CFDP1: variants seen among roughly 807,000 people sequenced by gnomAD.
The protein encoded by CFDP1 is heterochromatin-stabilizing protein CFDP1.
A neutral mutation model predicts 40.1 loss-of-function variants in CFDP1; 31 were observed. The ratio of observed to expected loss-of-function variants is 0.77; its 90% CI spans 0.58 to 1.04. CFDP1 has a LOEUF of 1.04. Ranked by LOEUF, CFDP1 falls within the 50% of genes least tolerant of loss-of-function variation. The probability of loss-of-function intolerance (pLI) is 0.00; values close to 1 mark genes in which losing one functional copy is unlikely to be tolerated. For missense variants in CFDP1, 423 were observed against 343.4 expected (o/e 1.23, Z -1.83); for synonymous variants, 167 against 120.0 (o/e 1.39, Z -2.56).
intron 5 of CFDP1, among the ~76,000 whole-genome samples, chr16:75,390,934 A>C (rs961647831): frequency 8.5e-5 from 13 of 152,220 alleles, no homozygotes; most frequent in African/African-American, 3.1e-4. Context: ...ACTTTGTGAG[A>C]AAGTATCATA....
intron 5 of CFDP1, among the ~76,000 whole-genome samples, chr16:75,355,352 A>G (rs982737217): frequency 6.6e-6 from 1 of 152,226 alleles, no homozygotes; most frequent in Non-Finnish European, 1.5e-5. Flanking sequence ...AGTAAAACTT[A>G]TTTCAAAATT....
chr16:75,337,513 G>C (rs970789688), intron 5 of CFDP1, among the ~76,000 whole-genome samples: 1 of 152,148 alleles, frequency 6.6e-6, no homozygotes, highest in African/African-American at 2.4e-5. Context: ...TCTCACACTG[G>C]TATCAAGAAC....
At chr16:75,407,654 C>CAAAAAA (rs11456525) in intron 4 of CFDP1, among the ~76,000 whole-genome samples, 1 of 116,790 alleles carries the variant, frequency 8.6e-6, no homozygotes, top group Non-Finnish European at 1.7e-5. Flanking sequence ...GACCCTGTCT[C>CAAAAAA]AAAAAAAAAA....
At chr16:75,349,938 T>A (rs986710759) in intron 5 of CFDP1, among the ~76,000 whole-genome samples, 2 of 151,642 alleles carry the variant, frequency 1.3e-5, no homozygotes, top group African/African-American at 4.8e-5. Flanking sequence ...ATGGCATGAG[T>A]AGACATACTT....
At chr16:75,323,032 T>G (rs2078376229) in intron 5 of CFDP1, among the ~76,000 whole-genome samples, 1 of 152,132 alleles carries the variant, frequency 6.6e-6, no homozygotes, top group Non-Finnish European at 1.5e-5. Context: ...AGAAAATTTT[T>G]TTTTCTTCAA....
At chr16:75,426,312 T>C (rs905989637) in intron 1 of CFDP1, among the ~76,000 whole-genome samples, 11 of 152,008 alleles carry the variant, frequency 7.2e-5, no homozygotes, top group Admixed American at 3.3e-4. Context: ...ATCATGACAT[T>C]GCACTCCAGC....
At chr16:75,419,653 T>C (rs749811205) in intron 1 of CFDP1, among the ~76,000 whole-genome samples, 12 of 152,120 alleles carry the variant, frequency 7.9e-5, no homozygotes, top group Non-Finnish European at 1.8e-4. Context: ...AGCTAGAAGG[T>C]TGGCAGAAGA....
intron 5 of CFDP1, chr16:75,380,069 T>G (rs2078840186): frequency 6.7e-6 from 1 of 149,826 alleles, no homozygotes; most frequent in African/African-American, 2.5e-5. Flanking sequence ...ACTCAGGAGG[T>G]GGAGGTTGCA....
intron 1 of CFDP1, among the ~76,000 whole-genome samples, chr16:75,428,741 T>A (rs946594051): frequency 6.7e-6 from 1 of 150,166 alleles, no homozygotes; most frequent in Admixed American, 6.6e-5. Context: ...GGAAAAAAAA[T>A]TATAGGAAAA....
chr16:75,349,676 A>ATATATAT (rs1199163361), intron 5 of CFDP1, among the ~76,000 whole-genome samples: 3 of 5,868 alleles, frequency 5.1e-4, no homozygotes, highest in Non-Finnish European at 6.4e-4. Context: ...AAAAAAAAAA[A>ATATATAT]AAAAAAAAAA....
chr16:75,333,198 A>G (rs2078460480), intron 5 of CFDP1, among the ~76,000 whole-genome samples: 1 of 143,660 alleles, frequency 7.0e-6, no homozygotes, highest in Non-Finnish European at 1.5e-5. Flanking sequence ...ATCTCAGCTC[A>G]CTGCAAGCTC....
intron 5 of CFDP1, among the ~76,000 whole-genome samples, chr16:75,349,094 C>A (rs954932580): frequency 1.3e-5 from 2 of 152,084 alleles, no homozygotes; most frequent in African/African-American, 4.8e-5. Flanking sequence ...GTTTTAAATT[C>A]CTGGCCTCAA....
At chr16:75,403,448 T>C (rs891781544) in intron 4 of CFDP1, among the ~76,000 whole-genome samples, 4 of 152,120 alleles carry the variant, frequency 2.6e-5, no homozygotes, top group Non-Finnish European at 5.9e-5. Context: ...TCAACTCCAG[T>C]ACTCAAGCAG....
At chr16:75,415,978 G>T (rs1199222541) in intron 1 of CFDP1, among the ~76,000 whole-genome samples, 1 of 152,132 alleles carries the variant, frequency 6.6e-6, no homozygotes, top group South Asian at 2.1e-4. Context: ...TTGGCCTCCT[G>T]AGTAGCTGAC....
In CFDP1 at chr16:75,414,608, T is replaced by C; in HGVS notation, c.152A>G (p.Lys51Arg). The C allele has an allele frequency of 1.2e-6, 2 of 1,613,944 alleles. No individual in the cohort carries two copies. The highest frequency in any genetic ancestry group is 1.1e-5 in the South Asian group (1 of 91,076). ...TGGAATGCTCTGGGCCTTTCTTTTT[T>C]TCCCTTGGGTTTTCTGTGTCTGCTC... ...GEEQTQKTQG[K>R]KRKAQSIPAR... Residue 51 changes from lysine (K) to arginine (R), a missense_variant, in exon 2 of 7, where the codon AAA (lysine) becomes AGA (arginine). Coordinates refer to ENST00000283882, the MANE Select transcript of CFDP1 (RefSeq NM_006324.3).
chr16:75,381,933 A>C (rs4146810), intron 5 of CFDP1, among the ~76,000 whole-genome samples: 10 of 151,770 alleles, frequency 6.6e-5, no homozygotes, highest in Non-Finnish European at 1.2e-4. Context: ...CTAAGCAAAT[A>C]TAAGAAAGGT....
intron 5 of CFDP1, among the ~76,000 whole-genome samples, chr16:75,339,770 T>C (rs1253282974): frequency 2.0e-5 from 3 of 152,206 alleles, no homozygotes; most frequent in Non-Finnish European, 2.9e-5. Context: ...ATGTGATGCA[T>C]GTTCAGTCTG....
At chr16:75,303,503 A>ACCGC (rs2078237269) in intron 6 of CFDP1, among the ~76,000 whole-genome samples, 1 of 128,074 alleles carries the variant, frequency 7.8e-6, no homozygotes, top group East Asian at 2.7e-4. Flanking sequence ...TAGAAATATG[A>ACCGC]CCCCCCCCAA....
At chr16:75,370,164 C>T (rs920504792) in intron 5 of CFDP1, among the ~76,000 whole-genome samples, 1 of 151,672 alleles carries the variant, frequency 6.6e-6, no homozygotes, top group Non-Finnish European at 1.5e-5. Context: ...GTAATCTTGG[C>T]TCACTGCAAC....
Sources: allele counts gnomAD v4.1 joint callset (sites outside exome capture counted in the v4.1 genomes callset), GRCh38; gene constraint gnomAD v4.1.1; transcripts MANE v1.5; gene names NCBI Gene and HGNC (gene_info 2026-07-23, HGNC 2026-07-21).